Variants in LMO7 observed in about 807,000 individuals in gnomAD.
LMO7 encodes the protein LIM domain only protein 7.
Under a neutral mutation model 206.5 loss-of-function variants are expected in LMO7, and 120 were observed. The observed-to-expected ratio is 0.58, with a 90% CI of 0.50 to 0.68. The LOEUF (loss-of-function observed/expected upper bound fraction) is 0.68. Among genes scored for constraint, LMO7 ranks in the 30% least tolerant of loss-of-function variants. The pLI, the probability that LMO7 is intolerant of heterozygous loss-of-function variation, is 0.00. For missense variants in LMO7, 1,959 were observed against 1,957.9 expected (o/e 1.00, Z -0.01); for synonymous variants, 706 against 681.5 (o/e 1.04, Z -0.56).
At chr13:75,810,239 G>A (rs978749478) in intron 11 of LMO7, among the ~76,000 whole-genome samples, 3 of 152,220 alleles carry the variant, frequency 2.0e-5, no homozygotes, top group African/African-American at 7.2e-5. Flanking sequence ...GTTTGAGCAA[G>A]AGGAAGAGAG....
At chr13:75,838,220 A>G (rs114567566) in intron 20 of LMO7, 24 bp downstream of exon 20, 1 of 1,583,908 alleles carries the variant, frequency 6.3e-7, no homozygotes, top group Non-Finnish European at 8.7e-7. Context: ...CTAACAATTC[A>G]TGCACTTTCA....
Position 75,821,513 on chromosome 13 carries a change from C to T in LMO7, c.2544C>T (p.Tyr848=). 1 of 1,614,018 alleles carries T rather than the reference C, an allele frequency of 6.2e-7. No individual in the cohort carries two copies. Among genetic ancestry groups the T allele is most frequent in the Non-Finnish European group, 8.5e-7 (1 of 1,179,890 alleles). The change falls in exon 14 of 31, where the codon TAC becomes TAT. Residue 848 remains tyrosine, a synonymous_variant. Coordinates refer to ENST00000377534, the MANE Select transcript of LMO7 (RefSeq NM_001306080.2). The part of the protein sequence containing the change: ...TRVSASLPRS[Y]RKTDTVRLTS... ...TTTCAGCTTCTCTCCCCAGAAGTTA[C>T]CGGAAAACTGATACAGTCAGGTTAA...
chr13:75,689,502 C>T (rs773900289), intron 1 of LMO7, among the ~76,000 whole-genome samples: 15 of 152,176 alleles, frequency 9.9e-5, no homozygotes, highest in African/African-American at 2.2e-4. Flanking sequence ...TTGTGTTGGG[C>T]GTGTCTGTGA....
chr13:75,764,852 G>T (rs2048649465), intron 4 of LMO7, among the ~76,000 whole-genome samples: 3 of 152,018 alleles, frequency 2.0e-5, no homozygotes, highest in Admixed American at 2.0e-4. Context: ...CTTTTCTAGT[G>T]TAGACTTACT....
At chr13:75,766,080 G>A (rs1383412037) in intron 4 of LMO7, among the ~76,000 whole-genome samples, 1 of 152,118 alleles carries the variant, frequency 6.6e-6, no homozygotes, top group Admixed American at 6.6e-5. Flanking sequence ...TGATCAGTTA[G>A]CATTTGTTTT....
intron 1 of LMO7, among the ~76,000 whole-genome samples, chr13:75,641,852 G>A (rs1366319764): frequency 2.0e-5 from 3 of 151,632 alleles, no homozygotes; most frequent in Non-Finnish European, 4.4e-5. Flanking sequence ...TAGAGACAGG[G>A]TTTCACTGTA....
rs144086518 is a variant in LMO7 at position 75,796,716 on chromosome 13, G to T, written c.429G>T (p.Ala143=). 6.2e-7 allele frequency: 1 copy of T among 1,612,874 alleles called. No homozygotes were observed. Among genetic ancestry groups the T allele is most frequent in the African/African-American group, 1.3e-5 (1 of 74,834 alleles). The change falls in exon 6 of 31, where the codon GCG becomes GCT. Residue 143 remains alanine (A), a synonymous_variant. Coordinates refer to ENST00000377534, the MANE Select transcript of LMO7 (RefSeq NM_001306080.2). ...ATGGTCCCCATCTTAATTTGAAAGC[G>T]TTTGAGAATCTTTTAGGACAAGCAC... ...YYNGPHLNLK[A]FENLLGQALT...
At chr13:75,737,664 G>A (rs776529) in intron 3 of LMO7, among the ~76,000 whole-genome samples, 52,633 of 130,598 alleles carry the variant, frequency 0.4, 9,290 homozygotes, top group East Asian at 0.53. Flanking sequence ...GAGGCAGGAG[G>A]ATGGCGTGAA....
At chr13:75,797,223 C>A (rs75816000) in intron 6 of LMO7, among the ~76,000 whole-genome samples, 1 of 152,124 alleles carries the variant, frequency 6.6e-6, no homozygotes, top group South Asian at 2.1e-4. Context: ...TCTACCATGC[C>A]GCCTCTGTTT....
intron 1 of LMO7, chr13:75,689,290 G>A (rs917233028): frequency 5.9e-5 from 9 of 152,196 alleles, no homozygotes; most frequent in African/African-American, 2.2e-4. Flanking sequence ...CTCTGGGACT[G>A]AGTTTTAACT....
chr13:75,827,643 G>T (rs1325042030), intron 15 of LMO7, among the ~76,000 whole-genome samples: 3 of 152,150 alleles, frequency 2.0e-5, no homozygotes, highest in African/African-American at 7.2e-5. Flanking sequence ...GACTCCTGGA[G>T]TCCTTCATCC....
intron 3 of LMO7, among the ~76,000 whole-genome samples, chr13:75,746,105 A>AG (rs2046817527): frequency 6.6e-6 from 1 of 152,158 alleles, no homozygotes; most frequent in Non-Finnish European, 1.5e-5. Context: ...TTTTGATGGA[A>AG]GAGTGTATAG....
chr13:75,667,771 C>CTT (rs2039201789), intron 1 of LMO7, among the ~76,000 whole-genome samples: 1 of 152,154 alleles, frequency 6.6e-6, no homozygotes. Context: ...TCTTGATTGT[C>CTT]TTTTCTCCTG....
At chr13:75,711,754 C>A (rs949461372) in intron 1 of LMO7, among the ~76,000 whole-genome samples, 15 of 152,314 alleles carry the variant, frequency 9.8e-5, no homozygotes, top group South Asian at 6.2e-4. Context: ...CTTGGCTCCA[C>A]CCCCTACATT....
intron 2 of LMO7, among the ~76,000 whole-genome samples, chr13:75,716,655 G>T (rs1022264871): frequency 1.3e-5 from 2 of 151,980 alleles, no homozygotes; most frequent in African/African-American, 4.8e-5. Flanking sequence ...TCATTAATCT[G>T]TCTTCTTTCT....
chr13:75,833,427 T>C (rs1372966623), intron 16 of LMO7, among the ~76,000 whole-genome samples: 1 of 152,214 alleles, frequency 6.6e-6, no homozygotes, highest in Non-Finnish European at 1.5e-5. Context: ...CATTTTGGAC[T>C]TTATATTTGG....
chr13:75,702,625 G>C (rs184851282), intron 1 of LMO7, among the ~76,000 whole-genome samples: 59 of 152,194 alleles, frequency 3.9e-4, no homozygotes, highest in Non-Finnish European at 7.6e-4. Context: ...TACAATATAA[G>C]TTTACCAAGA....
intron 11 of LMO7, among the ~76,000 whole-genome samples, chr13:75,811,698 A>G (rs924548076): frequency 6.6e-6 from 1 of 152,126 alleles, no homozygotes; most frequent in African/African-American, 2.4e-5. Flanking sequence ...GACGCTTTGT[A>G]TGTGGTAGTC....
At chr13:75,779,638 A>AGTGCATGTGC (rs1010800653) in intron 4 of LMO7, among the ~76,000 whole-genome samples, 1 of 152,220 alleles carries the variant, frequency 6.6e-6, no homozygotes, top group Non-Finnish European at 1.5e-5. Flanking sequence ...CTAAATAGGA[A>AGTGCATGTGC]GTGCATGTGC....
Sources: allele counts gnomAD v4.1 joint callset (sites outside exome capture counted in the v4.1 genomes callset), GRCh38; gene constraint gnomAD v4.1.1; transcripts MANE v1.5; gene names NCBI Gene and HGNC (gene_info 2026-07-23, HGNC 2026-07-21).